The following GFM2 variants were observed in gnomAD, a reference collection of about 807,000 sequenced individuals.
GFM2 encodes the protein ribosome-releasing factor 2, mitochondrial.
GFM2 carries 72 observed loss-of-function variants against 95.4 expected under a neutral mutation model. The ratio of observed to expected loss-of-function variants is 0.76; its 90% CI spans 0.62 to 0.92. The LOEUF (loss-of-function observed/expected upper bound fraction) is 0.92, where lower values mean the gene tolerates loss of function less well. GFM2 is among the 40% of genes least tolerant of loss of function. The pLI is 0.00. For missense variants in GFM2, 825 were observed against 924.1 expected, an observed-to-expected ratio of 0.89 and a Z score of 1.39; for synonymous variants, 276 against 317.5, an observed-to-expected ratio of 0.87 and a Z score of 1.39.
chr5:74,730,315 G>A lies in GFM2; in HGVS notation c.1671C>T (p.Leu557=), dbSNP rs760938581. 8.7e-6 allele frequency: 14 copies of A among 1,613,128 alleles called. No homozygotes were observed. Among genetic ancestry groups the A allele is most frequent in the Admixed American group, 6.7e-5 (4 of 59,956 alleles). ...IKREYGLETY[L]GPLQVAYRET... ...CTCGATATGCCACCTGGAGAGGCCC[G>A]AGATAGGTCTCCAGTCCATATTCCC... The change falls in exon 17 of 21, where the codon CTC becomes CTT. Residue 557 remains leucine, a synonymous_variant. Transcript: ENST00000296805.
At chr5:74,756,631 G>A (rs1743998299) in intron 5 of GFM2, among the ~76,000 whole-genome samples, 1 of 151,568 alleles carries the variant, frequency 6.6e-6, no homozygotes, top group Non-Finnish European at 1.5e-5. Context: ...GGTTGTACTA[G>A]CTTACATTCC....
intron 5 of GFM2, among the ~76,000 whole-genome samples, chr5:74,755,664 G>C (rs746807172): frequency 2.6e-5 from 4 of 152,150 alleles, no homozygotes; most frequent in Non-Finnish European, 5.9e-5. Context: ...AATCCTCCTA[G>C]ATTAAACCAG....
intron 7 of GFM2, among the ~76,000 whole-genome samples, chr5:74,748,899 TAAAATAAAATAAAAA>T (rs1743534536): frequency 3.1e-5 from 3 of 97,606 alleles, no homozygotes; most frequent in East Asian, 2.6e-4. Flanking sequence ...ATAAATAAAA[TAAAATAAAATAAAAA>T]AATAAAAAAA....
At chr5:74,762,687 G>A (rs1317116610) in intron 2 of GFM2, among the ~76,000 whole-genome samples, 3 of 152,144 alleles carry the variant, frequency 2.0e-5, no homozygotes, top group Admixed American at 6.5e-5. Context: ...AAGGTTACTT[G>A]AACACAAGCA....
At chr5:74,730,549 C>T (rs973660067) in intron 16 of GFM2, 151 bp from the exon 17 acceptor site, 14 of 483,188 alleles carry the variant, frequency 2.9e-5, no homozygotes, top group Non-Finnish European at 4.5e-5. Context: ...TACATCAAAA[C>T]ATTGCTTTTG....
intron 17 of GFM2, among the ~76,000 whole-genome samples, chr5:74,727,521 A>G (rs896441545): frequency 9.2e-5 from 14 of 152,300 alleles, no homozygotes; most frequent in South Asian, 4.1e-4. Flanking sequence ...GCATTCCACT[A>G]TGAGGAAGAC....
At chr5:74,749,517 T>C (rs539809926) in intron 7 of GFM2, among the ~76,000 whole-genome samples, 172 of 152,336 alleles carry the variant, frequency 1.1e-3, no homozygotes, top group African/African-American at 3.9e-3. Flanking sequence ...TGTTCTTTTG[T>C]GAAGTGTCCA....
intron 4 of GFM2, 21 bp from the exon 5 acceptor site, chr5:74,758,967 A>T: frequency 6.7e-7 from 1 of 1,489,632 alleles, no homozygotes; most frequent in East Asian, 2.3e-5. Context: ...GGAAAAAATA[A>T]GGTAAACTTT....
chr5:74,738,955 T>C (rs1318471830), intron 12 of GFM2, among the ~76,000 whole-genome samples: 1 of 152,172 alleles, frequency 6.6e-6, no homozygotes, highest in Non-Finnish European at 1.5e-5. Flanking sequence ...TCAAGAAATC[T>C]GCACAGGGTA....
intron 17 of GFM2, among the ~76,000 whole-genome samples, chr5:74,729,548 C>A (rs1252163499): frequency 2.0e-5 from 3 of 152,136 alleles, no homozygotes; most frequent in African/African-American, 7.2e-5. Flanking sequence ...GATAAACAGT[C>A]CAGAAAGAGA....
intron 2 of GFM2, among the ~76,000 whole-genome samples, chr5:74,763,125 A>G (rs1018957983): frequency 2.0e-5 from 3 of 152,246 alleles, no homozygotes; most frequent in African/African-American, 7.2e-5. Context: ...AAAATAATTT[A>G]TAGTGTTTTG....
At position 74,721,233 on chromosome 5, in the gene GFM2, T is replaced by A. The variant is rs1252978255; in HGVS notation, c.*422A>T. The A allele has an allele frequency of 2.5e-5, 33 of 1,300,462 alleles. No homozygotes were observed. The highest frequency in any genetic ancestry group is 3.7e-5 in the Non-Finnish European group (33 of 895,132). The allele number at this position is 1,300,462 out of a possible 1,614,324, so 80.6% of individuals were successfully genotyped here. On this transcript the variant is annotated 3_prime_UTR_variant, in exon 21 of 21. Coordinates refer to ENST00000296805, the MANE Select transcript of GFM2 (RefSeq NM_032380.5). ...TACTACAATCAACTTTATTTTGAAA[T>A]CATGTAAAATAAGATATTAGACTGT... is the stretch of plus-strand genomic sequence containing the variant.
At position 74,741,600 on chromosome 5, in the gene GFM2, A is replaced by G. The variant is rs1295281686; in HGVS notation, c.859T>C (p.Leu287=). The G allele has an allele frequency of 6.4e-7, 1 of 1,570,562 alleles. No homozygotes were observed. Among genetic ancestry groups the G allele is most frequent in the Non-Finnish European group, 8.7e-7 (1 of 1,145,610 alleles). Residue 287 remains leucine (L), a synonymous_variant, in exon 11 of 21, where the codon TTG becomes CTG. Coordinates refer to ENST00000296805, the MANE Select transcript of GFM2 (RefSeq NM_032380.5). ...ACCAAGTCAGCAAATTCATCATCCA[A>G]ATCTGCAACCTATAAAGAAAGGTTT... ...RNALIEQVAD[L]DDEFADLVLE...
chr5:74,750,398 C>A lies in GFM2; in HGVS notation c.519+181G>T, dbSNP rs13184615. 9.5e-3 allele frequency among the ~76,000 whole-genome samples: 1,451 copies of A among 152,270 alleles called. 13 individuals carry two copies. Among genetic ancestry groups the A allele is most frequent in the Non-Finnish European group, 0.012 (831 of 68,022 alleles). ...ACCAGCTTTCCTATTTCTCCTTTTA[C>A]TATGAAATATCTGAGATTACATGTA... is the stretch of plus-strand genomic sequence containing the variant. On this transcript the variant is annotated intron_variant, in intron 7 of 20. Transcript: ENST00000296805.
At position 74,721,243 on chromosome 5, in the gene GFM2, T is replaced by G; in HGVS notation, c.*412A>C. The G allele has an allele frequency of 8.1e-7, 1 of 1,231,446 alleles. No individual in the cohort carries two copies. Among genetic ancestry groups the G allele is most frequent in the South Asian group, 1.2e-5 (1 of 82,646 alleles). 76.3% of individuals were successfully genotyped at this position (1,231,446 alleles called of 1,614,324 possible). A position where few individuals can be genotyped will look rare whatever the true frequency, so the allele number is the denominator to read the frequency against. On this transcript the variant is annotated 3_prime_UTR_variant, in exon 21 of 21. Coordinates refer to ENST00000296805, the MANE Select transcript of GFM2 (RefSeq NM_032380.5). Reference sequence around the variant, plus strand: ...AACTTTATTTTGAAATCATGTAAAATAAGATATTAGACTGTTTTTTGAATA... The same window carrying G: ...AACTTTATTTTGAAATCATGTAAAAGAAGATATTAGACTGTTTTTTGAATA...
intron 17 of GFM2, among the ~76,000 whole-genome samples, chr5:74,727,419 C>T (rs533236281): frequency 5.3e-5 from 8 of 152,216 alleles, no homozygotes; most frequent in Admixed American, 1.3e-4. Flanking sequence ...CATATGTATA[C>T]GGCAACTTTT....
At chr5:74,728,878 C>G (rs531991134) in intron 17 of GFM2, among the ~76,000 whole-genome samples, 1 of 149,856 alleles carries the variant, frequency 6.7e-6, no homozygotes, top group African/African-American at 2.5e-5. Flanking sequence ...GCCTCATCCT[C>G]CTGAGTAGCT....
intron 5 of GFM2, among the ~76,000 whole-genome samples, chr5:74,757,427 C>T (rs898534175): frequency 6.6e-6 from 1 of 152,002 alleles, no homozygotes; most frequent in African/African-American, 2.4e-5. Flanking sequence ...GCTTGATTTC[C>T]TTCTTGTTAT....
Position 74,722,483 on chromosome 5 carries a change from G to C in GFM2, c.2107C>G (p.Pro703Ala), listed in dbSNP as rs1400295719. 1 of 1,613,796 alleles carries C rather than the reference G, an allele frequency of 6.2e-7. No individual in the cohort carries two copies. Among genetic ancestry groups the C allele is most frequent in the Non-Finnish European group, 8.5e-7 (1 of 1,179,860 alleles). ...EVTVARDYLS[P>A]VLADLAQRRG... ...CTTTGTGCCAGATCTGCCAGGACAG[G>C]GCTGAGATAATCTCTAGCTACTGTA... The change falls in exon 20 of 21, where the codon CCT becomes GCT. Residue 703 changes from proline to alanine, a missense_variant. Physicochemically the swap from Pro to Ala is conservative, Grantham distance 27. Coordinates refer to ENST00000296805, the MANE Select transcript of GFM2 (RefSeq NM_032380.5).
Sources: gnomAD v4.1 joint callset for allele counts (sites outside exome capture counted in the v4.1 genomes callset) on GRCh38, gnomAD v4.1.1 for gene constraint, MANE v1.5 for transcripts, NCBI Gene and HGNC (gene_info 2026-07-23, HGNC 2026-07-21) for gene names.